Variants in PSPH observed in about 807,000 individuals in gnomAD.
PSPH encodes the protein phosphoserine phosphatase, also known as L-3-phosphoserine phosphatase.
Under a neutral mutation model 23.4 loss-of-function variants are expected in PSPH, and 16 were observed. The observed-to-expected ratio is 0.68, with a 90% CI of 0.46 to 1.04. The LOEUF (loss-of-function observed/expected upper bound fraction) is 1.04, where lower values mean the gene tolerates loss of function less well. Ranked by LOEUF, PSPH falls within the 50% of genes least tolerant of loss-of-function variation. PSPH has a pLI of 0.00. For missense variants in PSPH, 223 were observed against 273.7 expected, an observed-to-expected ratio of 0.81 and a Z score of 1.31; for synonymous variants, 68 against 99.7, an observed-to-expected ratio of 0.68 and a Z score of 1.89.
At chr7:56,024,050 T>G (rs1789832126) in intron 3 of PSPH, among the ~76,000 whole-genome samples, 1 of 151,860 alleles carries the variant, frequency 6.6e-6, no homozygotes, top group Admixed American at 6.6e-5. Context: ...CCTCAGCCTC[T>G]CTAAGTAGCT....
chr7:56,012,798 T>C (rs1788058370), intron 7 of PSPH, among the ~76,000 whole-genome samples: 1 of 145,614 alleles, frequency 6.9e-6, no homozygotes, highest in African/African-American at 2.5e-5. Context: ...TTTCACCGTG[T>C]TGCCCAGGCC....
At chr7:56,046,201 A>G (rs1377284150) in intron 1 of PSPH, among the ~76,000 whole-genome samples, 1 of 151,948 alleles carries the variant, frequency 6.6e-6, no homozygotes, top group African/African-American at 2.4e-5. Context: ...CAATGGCGCT[A>G]TTTTGGCCCA....
chr7:56,038,956 C>T (rs929358575), intron 1 of PSPH, among the ~76,000 whole-genome samples: 2 of 151,914 alleles, frequency 1.3e-5, no homozygotes, highest in Non-Finnish European at 2.9e-5. Flanking sequence ...CCAGCCTGAC[C>T]AACATGGAGA....
intron 1 of PSPH, among the ~76,000 whole-genome samples, chr7:56,049,048 T>C (rs534126043): frequency 1.3e-5 from 2 of 151,966 alleles, no homozygotes; most frequent in Admixed American, 1.3e-4. Context: ...GCCTTCCCAG[T>C]AGCTGGAACT....
At chr7:56,036,406 TTTAATA>T (rs1180443260) in intron 1 of PSPH, among the ~76,000 whole-genome samples, 5 of 152,154 alleles carry the variant, frequency 3.3e-5, no homozygotes, top group Admixed American at 2.0e-4. Context: ...TTCATAAATG[TTTAATA>T]TTAAGTATTC....
intron 3 of PSPH, among the ~76,000 whole-genome samples, chr7:56,026,729 G>A (rs1281047169): frequency 6.6e-6 from 1 of 152,120 alleles, no homozygotes; most frequent in African/African-American, 2.4e-5. Flanking sequence ...GCCCAGGCAG[G>A]CTCACTGTAA....
At chr7:56,030,691 G>C (rs1489645005) in intron 3 of PSPH, among the ~76,000 whole-genome samples, 1 of 151,850 alleles carries the variant, frequency 6.6e-6, no homozygotes, top group Admixed American at 6.6e-5. Context: ...TTGAGATCAA[G>C]AGTTCAAGAC....
rs1792261700 is a variant in PSPH at position 56,039,805 on chromosome 7, A to T, written c.-291-5699T>A. On this transcript the variant is annotated intron_variant, in intron 1 of 7. Coordinates refer to ENST00000275605, the MANE Select transcript of PSPH (RefSeq NM_004577.4). ...AAAAAAAAAAAAAATTAAAAAAAAA[A>T]AAACAATATATGGCTGGGCGCAGTA... is the stretch of plus-strand genomic sequence containing the variant. Among the ~76,000 whole-genome samples the T allele has an allele frequency of 2.7e-5, 4 of 147,598 alleles. No homozygotes were observed. In the South Asian group the frequency reaches 8.6e-4, roughly 32 times the overall value.
At chr7:56,017,439 A>T in intron 5 of PSPH, 60 bp from the exon 6 acceptor site, 1 of 1,527,002 alleles carries the variant, frequency 6.5e-7, no homozygotes, top group Non-Finnish European at 8.8e-7. Flanking sequence ...AAAAAAAAAA[A>T]ACGAAACATG....
At chr7:56,032,542 C>T (rs1344682291) in intron 2 of PSPH, among the ~76,000 whole-genome samples, 3 of 149,406 alleles carry the variant, frequency 2.0e-5, no homozygotes, top group Non-Finnish European at 3.0e-5. Context: ...CACCTGTAGT[C>T]CCAGCTACTC....
intron 7 of PSPH, among the ~76,000 whole-genome samples, chr7:56,013,050 C>T (rs1788100858): frequency 6.7e-6 from 1 of 149,202 alleles, no homozygotes; most frequent in Non-Finnish European, 1.5e-5. Flanking sequence ...TATATACACA[C>T]ATATATGTAT....
chr7:56,037,324 T>C (rs1307885076), intron 1 of PSPH, among the ~76,000 whole-genome samples: 1 of 151,900 alleles, frequency 6.6e-6, no homozygotes, highest in Non-Finnish European at 1.5e-5. Flanking sequence ...GAAGGTGTAA[T>C]AAAAATATTA....
chr7:56,014,925 A>T, intron 7 of PSPH, 98 bp downstream of exon 7: 1 of 1,287,816 alleles, frequency 7.8e-7, no homozygotes, highest in Non-Finnish European at 1.0e-6. Context: ...CCTGGGCAAC[A>T]AGAGTGAAAC....
intron 3 of PSPH, among the ~76,000 whole-genome samples, chr7:56,029,183 G>C (rs369508604): frequency 6.6e-6 from 1 of 152,052 alleles, no homozygotes; most frequent in African/African-American, 2.4e-5. Flanking sequence ...AAATTCTCGT[G>C]GCTATAGGGG....
chr7:56,016,402 T>G (rs1230287445), intron 6 of PSPH, among the ~76,000 whole-genome samples: 1 of 29,010 alleles, frequency 3.4e-5, no homozygotes, highest in Non-Finnish European at 9.5e-5. Context: ...AGACCCTGTC[T>G]CAAAAAAAAA....
intron 1 of PSPH, among the ~76,000 whole-genome samples, chr7:56,036,200 C>A (rs1791701888): frequency 6.6e-6 from 1 of 151,774 alleles, no homozygotes; most frequent in African/African-American, 2.4e-5. Context: ...GCACTCCAGC[C>A]TGGGCAACAG....
At chr7:56,026,280 C>T (rs1287715275) in intron 3 of PSPH, among the ~76,000 whole-genome samples, 10 of 151,240 alleles carry the variant, frequency 6.6e-5, no homozygotes, top group Admixed American at 5.3e-4. Flanking sequence ...GTTCGAGACC[C>T]GCCTGGCCAA....
chr7:56,030,942 T>C (rs1281535023), intron 3 of PSPH, among the ~76,000 whole-genome samples: 1 of 151,466 alleles, frequency 6.6e-6, no homozygotes, highest in Non-Finnish European at 1.5e-5. Flanking sequence ...CCGGGCGCGG[T>C]GGCTCACGCC....
chr7:56,021,238 G>T lies in PSPH; in HGVS notation c.-19-7C>A. 6.5e-7 allele frequency: 1 copy of T among 1,549,370 alleles called. No homozygotes were observed. Among genetic ancestry groups the T allele is most frequent in the East Asian group, 2.4e-5 (1 of 41,728 alleles). ...CGCTGGAAGAATTTTCCTCCTACAAGAAAAAAGATAAATGTATTTAAAGAC... is the reference window on the plus strand; with the variant it reads ...CGCTGGAAGAATTTTCCTCCTACAATAAAAAAGATAAATGTATTTAAAGAC... On this transcript the variant is annotated splice_polypyrimidine_tract_variant and splice_region_variant and intron_variant, in intron 3 of 7. Transcript: ENST00000275605.
Sources: allele counts gnomAD v4.1 joint callset (sites outside exome capture counted in the v4.1 genomes callset), GRCh38; gene constraint gnomAD v4.1.1; transcripts MANE v1.5; gene names NCBI Gene and HGNC (gene_info 2026-07-23, HGNC 2026-07-21).